TEKT5: variants seen among roughly 807,000 people sequenced by gnomAD.
TEKT5 encodes tektin 5.
TEKT5 carries 52 observed loss-of-function variants against 48.7 expected under a neutral mutation model. The observed-to-expected ratio is 1.07, with a 90% CI of 0.86 to 1.35. The LOEUF is 1.35. Ranked by LOEUF, TEKT5 falls within the 40% of genes most tolerant of loss-of-function variation. The probability of loss-of-function intolerance (pLI) is 0.00; values close to 1 mark genes in which losing one functional copy is unlikely to be tolerated. For synonymous variants in TEKT5, 318 were observed against 267.6 expected (o/e 1.19, Z -1.84); for missense variants, 831 against 641.6 (o/e 1.30, Z -3.19).
intron 4 of TEKT5, among the ~76,000 whole-genome samples, chr16:10,678,102 C>G (rs975350807): frequency 2.0e-5 from 3 of 152,138 alleles, no homozygotes; most frequent in Non-Finnish European, 2.9e-5. Flanking sequence ...TGAGGAAGGG[C>G]ATGCATTTCT....
In TEKT5 at chr16:10,658,725, T is replaced by TTTCC. The variant is rs1555466065; in HGVS notation, c.1086+17233_1086+17234insGGAA. Reference sequence around the variant, plus strand: ...ATTTAGGACTAGATATTTCTTTTTCTTTTTTTTTTTGAGACAGAGTCTCAC... The same window carrying TTTCC: ...ATTTAGGACTAGATATTTCTTTTTCTTTCCTTTTTTTTTTGAGACAGAGTCTCAC... On this transcript the variant is annotated intron_variant, in intron 5 of 6. Coordinates refer to ENST00000283025, the MANE Select transcript of TEKT5 (RefSeq NM_144674.2). Among the ~76,000 whole-genome samples the TTTCC allele has an allele frequency of 9.1e-3, 1,179 of 129,900 alleles. 17 individuals carry two copies. The highest frequency in any genetic ancestry group is 0.042 in the African/African-American group (1,138 of 26,928). The allele number at this position is 129,900 out of a possible 152,430, so 85.2% of individuals were successfully genotyped here. A position where few individuals can be genotyped will look rare whatever the true frequency, so the allele number is the denominator to read the frequency against.
intron 6 of TEKT5, among the ~76,000 whole-genome samples, chr16:10,631,358 C>CG (rs113859011): frequency 0.055 from 1,398 of 25,404 alleles, 45 homozygotes; most frequent in African/African-American, 0.16. Context: ...GGGGTGGGGG[C>CG]GGGGGAGGGT....
intron 5 of TEKT5, among the ~76,000 whole-genome samples, chr16:10,666,715 TG>T (rs1898464083): frequency 6.6e-6 from 1 of 152,162 alleles, no homozygotes; most frequent in South Asian, 2.1e-4. Context: ...AAGCCAGGGA[TG>T]GGGTGTTGTT....
chr16:10,692,358 G>A (rs1403469600), intron 1 of TEKT5, among the ~76,000 whole-genome samples: 1 of 152,134 alleles, frequency 6.6e-6, no homozygotes, highest in Admixed American at 6.5e-5. Context: ...TAGAGTGATA[G>A]AAACCTATGC....
At chr16:10,685,457 C>A (rs1251387199) in intron 3 of TEKT5, among the ~76,000 whole-genome samples, 1 of 152,066 alleles carries the variant, frequency 6.6e-6, no homozygotes, top group Non-Finnish European at 1.5e-5. Flanking sequence ...GTGTCACCAC[C>A]CAGCTAATTT....
intron 3 of TEKT5, among the ~76,000 whole-genome samples, chr16:10,687,253 T>C (rs1379231465): frequency 1.3e-5 from 2 of 152,226 alleles, no homozygotes; most frequent in Non-Finnish European, 2.9e-5. Context: ...GTAACATATA[T>C]GTTAATTAGT....
intron 5 of TEKT5, among the ~76,000 whole-genome samples, chr16:10,672,298 TGGG>T (rs1898561520): frequency 6.6e-6 from 1 of 152,088 alleles, no homozygotes; most frequent in Non-Finnish European, 1.5e-5. Flanking sequence ...CATTGCAGGC[TGGG>T]CATGGTGGCT....
Position 10,692,066 on chromosome 16 carries a change from G to A in TEKT5, c.565-2041C>T, listed in dbSNP as rs77974107. Among the ~76,000 whole-genome samples the A allele has an allele frequency of 7.1e-3, 1,088 of 152,226 alleles. 16 individuals are homozygous for A. Among genetic ancestry groups the A allele is most frequent in the African/African-American group, 0.023 (970 of 41,530 alleles). ...TGGGAGACCAGGTGGCTTACATTGCGCAGGGAGAGGCTGCCTGGATTGTGG... is the reference window on the plus strand; with the variant it reads ...TGGGAGACCAGGTGGCTTACATTGCACAGGGAGAGGCTGCCTGGATTGTGG... On this transcript the variant is annotated intron_variant, in intron 1 of 6. Coordinates refer to ENST00000283025, the MANE Select transcript of TEKT5 (RefSeq NM_144674.2).
intron 5 of TEKT5, among the ~76,000 whole-genome samples, chr16:10,639,478 A>G (rs1298727937): frequency 1.3e-5 from 2 of 151,696 alleles, no homozygotes; most frequent in Non-Finnish European, 1.5e-5. Context: ...ACCTATACCT[A>G]TAAGACCTTG....
At chr16:10,694,158 T>A in intron 1 of TEKT5, 152 bp downstream of exon 1, 1 of 697,462 alleles carries the variant, frequency 1.4e-6, no homozygotes, top group East Asian at 2.6e-5. Context: ...TATCCTGAAT[T>A]GACTAAGATT....
At chr16:10,659,650 C>CGAGATCT in intron 5 of TEKT5, among the ~76,000 whole-genome samples, 1 of 152,208 alleles carries the variant, frequency 6.6e-6, no homozygotes, top group African/African-American at 2.4e-5. Flanking sequence ...CGTGAGCCAC[C>CGAGATCT]ACACCTGGCA....
At chr16:10,647,407 G>C (rs1898086992) in intron 5 of TEKT5, among the ~76,000 whole-genome samples, 1 of 151,500 alleles carries the variant, frequency 6.6e-6, no homozygotes, top group Admixed American at 6.6e-5. Flanking sequence ...GGGATGTCGA[G>C]GCTGCAGTGA....
intron 5 of TEKT5, among the ~76,000 whole-genome samples, chr16:10,660,884 T>A (rs759299362): frequency 6.6e-6 from 1 of 151,976 alleles, no homozygotes; most frequent in Non-Finnish European, 1.5e-5. Context: ...TATTTTTAGT[T>A]GAGATGTGGT....
At chr16:10,669,875 C>T (rs1009368848) in intron 5 of TEKT5, among the ~76,000 whole-genome samples, 5 of 152,228 alleles carry the variant, frequency 3.3e-5, no homozygotes, top group African/African-American at 1.2e-4. Flanking sequence ...TGGCCACCAA[C>T]TTCTTTAGTC....
intron 5 of TEKT5, among the ~76,000 whole-genome samples, chr16:10,675,409 C>T (rs1898626717): frequency 6.6e-6 from 1 of 152,174 alleles, no homozygotes; most frequent in Admixed American, 6.5e-5. Context: ...TGTGAAAAAG[C>T]ATGACGCAAA....
intron 3 of TEKT5, 46 bp from the exon 4 acceptor site, chr16:10,682,182 G>A: frequency 6.3e-7 from 1 of 1,596,200 alleles, no homozygotes; most frequent in Non-Finnish European, 8.6e-7. Context: ...CCTGCACAGA[G>A]TACCCAGCTT....
intron 6 of TEKT5, among the ~76,000 whole-genome samples, chr16:10,635,183 A>AC (rs1476970477): frequency 5.8e-5 from 5 of 85,506 alleles, no homozygotes; most frequent in Non-Finnish European, 1.3e-4. Flanking sequence ...CCCACCCCCC[A>AC]CCCCCCACAA....
chr16:10,643,721 G>C (rs1898028288), intron 5 of TEKT5, among the ~76,000 whole-genome samples: 1 of 152,180 alleles, frequency 6.6e-6, no homozygotes, highest in Admixed American at 6.5e-5. Context: ...AAAGTATTAT[G>C]CATTACATAA....
In TEKT5 at chr16:10,657,735, G is replaced by A. The variant is rs541197336; in HGVS notation, c.1086+18224C>T. Among the ~76,000 whole-genome samples, 32 of 149,946 alleles carry A rather than the reference G, an allele frequency of 2.1e-4. 1 individual carries two copies. The highest frequency in any genetic ancestry group is 1.7e-3 in the South Asian group (8 of 4,730). On this transcript the variant is annotated intron_variant, in intron 5 of 6. Coordinates refer to ENST00000283025, the MANE Select transcript of TEKT5 (RefSeq NM_144674.2). ...CTCCTGAGTAGCTGGGACTACAGGCGCCCACCACTACGCCAAGCTAATTTT... is the reference window on the plus strand; with the variant it reads ...CTCCTGAGTAGCTGGGACTACAGGCACCCACCACTACGCCAAGCTAATTTT...
Sources: allele counts gnomAD v4.1 joint callset (sites outside exome capture counted in the v4.1 genomes callset), GRCh38; gene constraint gnomAD v4.1.1; transcripts MANE v1.5; gene names NCBI Gene and HGNC (gene_info 2026-07-23, HGNC 2026-07-21).